The following GABRA6 variants were observed in gnomAD, a reference collection of about 807,000 sequenced individuals.
The protein encoded by GABRA6 is gamma-aminobutyric acid receptor subunit alpha-6.
A neutral mutation model predicts 47.3 loss-of-function variants in GABRA6; 45 were observed. The ratio of observed to expected loss-of-function variants is 0.95; its 90% CI spans 0.75 to 1.22. The LOEUF (loss-of-function observed/expected upper bound fraction) is 1.22, where lower values mean the gene tolerates loss of function less well. GABRA6 is among the 50% of genes most tolerant of loss of function. GABRA6 has a pLI of 0.00. For missense variants in GABRA6, 583 were observed against 549.3 expected, an observed-to-expected ratio of 1.06 and a Z score of -0.61; for synonymous variants, 219 against 194.7, an observed-to-expected ratio of 1.12 and a Z score of -1.04.
rs1283815584 is a variant in GABRA6 at position 161,702,443 on chromosome 5, C to A, written c.*670C>A. On this transcript the variant is annotated 3_prime_UTR_variant, in exon 9 of 9. Coordinates refer to ENST00000274545, the MANE Select transcript of GABRA6 (RefSeq NM_000811.3). ...TCAGTGTGTTTTATCCTACTAAATT[C>A]TCCTTTTAAAATAATACACTTACCA... The A allele has an allele frequency of 6.6e-6, 1 of 152,204 alleles. No homozygotes were observed. Among genetic ancestry groups the A allele is most frequent in the Non-Finnish European group, 1.5e-5 (1 of 68,076 alleles). The allele number at this position is 152,204 out of a possible 1,614,324, so 9.4% of individuals were successfully genotyped here.
In GABRA6 at chr5:161,692,186, G is replaced by C. The variant is rs1260830030; in HGVS notation, c.1072G>C (p.Ala358Pro). The change falls in exon 8 of 9, where the codon GCT becomes CCT. Residue 358 changes from alanine (A) to proline (P), a missense_variant. Coordinates refer to ENST00000274545, the MANE Select transcript of GABRA6 (RefSeq NM_000811.3). ...ATCAAAAGCTACTGAACCTTTGGAA[G>C]CTGAGATTGTTTTGGTAATTGTTTA... ...TISKATEPLE[A>P]EIVLHPDSKY... 6.2e-7 allele frequency: 1 copy of C among 1,614,130 alleles called. No individual in the cohort carries two copies. Among genetic ancestry groups the C allele is most frequent in the Non-Finnish European group, 8.5e-7 (1 of 1,180,046 alleles).
intron 8 of GABRA6, among the ~76,000 whole-genome samples, chr5:161,695,452 C>A (rs894146520): frequency 1.3e-5 from 2 of 151,774 alleles, no homozygotes. Flanking sequence ...TAGCATGCTA[C>A]CTTAATATTA....
chr5:161,687,129 G>T (rs1754716706), intron 3 of GABRA6, 126 bp downstream of exon 3: 16 of 787,966 alleles, frequency 2.0e-5, no homozygotes, highest in South Asian at 2.0e-4. Context: ...TTGTATTCAT[G>T]CTGGGAGGGC....
At chr5:161,701,327 T>A (rs923154535) in intron 8 of GABRA6, among the ~76,000 whole-genome samples, 171 bp from the exon 9 acceptor site, 1 of 152,218 alleles carries the variant, frequency 6.6e-6, no homozygotes, top group African/African-American at 2.4e-5. Context: ...ATTTTAAGCC[T>A]TACTTGGAAA....
In GABRA6 at chr5:161,701,722, G is replaced by C; in HGVS notation, c.1311G>C (p.Trp437Cys). Residue 437 changes from tryptophan to cysteine, a missense_variant, in exon 9 of 9, where the codon TGG (tryptophan) becomes TGC (cysteine). Coordinates refer to ENST00000274545, the MANE Select transcript of GABRA6 (RefSeq NM_000811.3). ...TTGCAGGATTCAACCTTGTGTACTG[G>C]GTAGTTTATCTTTCCAAAGATACAA... The part of the protein sequence containing the change: ...VAFAGFNLVY[W>C]VVYLSKDTME... 1.2e-6 allele frequency: 2 copies of C among 1,614,120 alleles called. No homozygotes were observed. Among genetic ancestry groups the C allele is most frequent in the South Asian group, 1.1e-5 (1 of 91,084 alleles).
In GABRA6 at chr5:161,689,716, A is replaced by G; in HGVS notation, c.610A>G (p.Ser204Gly). 6.2e-7 allele frequency: 1 copy of G among 1,612,196 alleles called. No individual in the cohort carries two copies. Among genetic ancestry groups the G allele is most frequent in the Non-Finnish European group, 8.5e-7 (1 of 1,178,276 alleles). ...YSVEVPEESS[S>G]LLQYDLIGQT... is the part of the protein sequence containing the mutation. ...AGTAGAAGTCCCAGAAGAATCTTCAAGCCTTCTCCAGTATGATCTGATTGG... is the reference window on the plus strand; with the variant it reads ...AGTAGAAGTCCCAGAAGAATCTTCAGGCCTTCTCCAGTATGATCTGATTGG... The change falls in exon 6 of 9, where the codon AGC (serine) becomes GGC (glycine). Residue 204 changes from serine (S) to glycine (G), a missense_variant. Coordinates refer to ENST00000274545, the MANE Select transcript of GABRA6 (RefSeq NM_000811.3).
At chr5:161,692,287 ATG>A in intron 8 of GABRA6, 87 bp downstream of exon 8, 6 of 1,507,054 alleles carry the variant, frequency 4.0e-6, no homozygotes, top group Non-Finnish European at 5.5e-6. Flanking sequence ...TCCAAAAGTA[ATG>A]TGAGTTGAGC....
intron 8 of GABRA6, among the ~76,000 whole-genome samples, chr5:161,693,931 G>T (rs1754845849): frequency 6.6e-6 from 1 of 152,096 alleles, no homozygotes; most frequent in Admixed American, 6.6e-5. Flanking sequence ...ATATGCCAGG[G>T]TGCATACCAC....
rs374528220 is a variant in GABRA6 at position 161,689,330 on chromosome 5, G to A, written c.523G>A (p.Gly175Arg). 2 of 1,613,698 alleles carry A rather than the reference G, an allele frequency of 1.2e-6. No individual in the cohort carries two copies. The highest frequency in any genetic ancestry group is 1.3e-5 in the African/African-American group (1 of 74,896). Residue 175 changes from glycine to arginine, a missense_variant, in exon 5 of 9, where the codon GGG (glycine) becomes AGG (arginine). By Grantham distance (125) the Gly-to-Arg change is moderately radical. Coordinates refer to ENST00000274545, the MANE Select transcript of GABRA6 (RefSeq NM_000811.3). Reference sequence around the variant, plus strand: ...TGGGCATGCTTGTCCACTCAAGTTTGGGAGCTGTAAGTTACAACAGGCTTC... The same window carrying A: ...TGGGCATGCTTGTCCACTCAAGTTTAGGAGCTGTAAGTTACAACAGGCTTC... Reference protein sequence around the residue: ...MDGHACPLKFGSYAYPKSEII... With the variant: ...MDGHACPLKFRSYAYPKSEII...
intron 7 of GABRA6, among the ~76,000 whole-genome samples, chr5:161,691,647 A>G (rs1378844069): frequency 2.0e-5 from 3 of 151,768 alleles, no homozygotes; most frequent in African/African-American, 7.3e-5. Flanking sequence ...AAGTTCTCTC[A>G]AGCCCTAAAC....
Position 161,689,686 on chromosome 5 carries a change from T to C in GABRA6, c.580T>C (p.Tyr194His). 1.2e-6 allele frequency: 2 copies of C among 1,611,248 alleles called. No homozygotes were observed. Among genetic ancestry groups the C allele is most frequent in the Non-Finnish European group, 1.7e-6 (2 of 1,177,464 alleles). Reference sequence around the variant, plus strand: ...ATATACGTGGAAAAAAGGACCACTTTACTCAGTAGAAGTCCCAGAAGAATC... The same window carrying C: ...ATATACGTGGAAAAAAGGACCACTTCACTCAGTAGAAGTCCCAGAAGAATC... ...IIYTWKKGPL[Y>H]SVEVPEESSS... Residue 194 changes from tyrosine to histidine, a missense_variant, in exon 6 of 9, where the codon TAC (tyrosine) becomes CAC (histidine). Transcript: ENST00000274545.
At chr5:161,686,494 C>T in intron 2 of GABRA6, 146 bp downstream of exon 2, 2 of 745,040 alleles carry the variant, frequency 2.7e-6, no homozygotes, top group Middle Eastern at 3.7e-4. Flanking sequence ...CATCCAGTCT[C>T]TGCCTCATCC....
intron 7 of GABRA6, among the ~76,000 whole-genome samples, chr5:161,691,288 C>CTTTTTTTT (rs1160422481): frequency 4.7e-4 from 40 of 84,716 alleles, no homozygotes; most frequent in Non-Finnish European, 5.6e-4. Flanking sequence ...TTTTTCTTTC[C>CTTTTTTTT]TTTTTTTTTT....
chr5:161,691,318 C>T (rs1361294782), intron 7 of GABRA6, among the ~76,000 whole-genome samples: 5 of 92,902 alleles, frequency 5.4e-5, no homozygotes, highest in Non-Finnish European at 9.8e-5. Context: ...TTTTTTGAGA[C>T]GGAGTGTCCG....
intron 7 of GABRA6, 93 bp downstream of exon 7, chr5:161,690,446 C>T: frequency 3.2e-6 from 4 of 1,258,018 alleles, no homozygotes; most frequent in Non-Finnish European, 4.6e-6. Context: ...TGCACTTTTT[C>T]AATCCACAAA....
At chr5:161,695,574 T>A (rs1454338063) in intron 8 of GABRA6, among the ~76,000 whole-genome samples, 1 of 152,076 alleles carries the variant, frequency 6.6e-6, no homozygotes, top group Non-Finnish European at 1.5e-5. Context: ...TTTTGCATAG[T>A]TTGCTAGTTT....
chr5:161,691,414 G>A (rs1484997888), intron 7 of GABRA6, among the ~76,000 whole-genome samples: 2 of 147,436 alleles, frequency 1.4e-5, no homozygotes, highest in East Asian at 4.1e-4. Flanking sequence ...TCCTGCCTCA[G>A]CCTCCGGAGT....
At position 161,694,990 on chromosome 5, in the gene GABRA6, T is replaced by C. The variant is rs1754863788; in HGVS notation, c.1086+2790T>C. On this transcript the variant is annotated intron_variant, in intron 8 of 8. Coordinates refer to ENST00000274545, the MANE Select transcript of GABRA6 (RefSeq NM_000811.3). ...GCAAGACATTTTCTCCCAAATACCA[T>C]GACATTTAAAAATATCTATTCAGTT... is the stretch of plus-strand genomic sequence containing the variant. 2.0e-5 allele frequency among the ~76,000 whole-genome samples: 3 copies of C among 152,256 alleles called. No homozygotes were observed. The South Asian group carries it at 6.2e-4, about 32-fold the overall frequency.
chr5:161,686,474 G>C, intron 2 of GABRA6, 126 bp downstream of exon 2: 1 of 783,936 alleles, frequency 1.3e-6, no homozygotes, highest in Non-Finnish European at 2.3e-6. Flanking sequence ...AGAGACCATG[G>C]GTATGTTCCC....
Sources: gnomAD v4.1 joint callset for allele counts (sites outside exome capture counted in the v4.1 genomes callset) on GRCh38, gnomAD v4.1.1 for gene constraint, MANE v1.5 for transcripts, NCBI Gene and HGNC (gene_info 2026-07-23, HGNC 2026-07-21) for gene names.